NELL1: variants seen among roughly 807,000 people sequenced by gnomAD.
NELL1 encodes the protein neural EGFL like 1.
Under a neutral mutation model 107.4 loss-of-function variants are expected in NELL1, and 76 were observed. The observed-to-expected ratio is 0.71, with a 90% confidence interval of 0.59 to 0.86. The LOEUF is 0.86. Ranked by LOEUF, NELL1 falls within the 40% of genes least tolerant of loss-of-function variation. The pLI is 0.00. For synonymous variants in NELL1, 353 were observed against 341.2 expected, an observed-to-expected ratio of 1.03 and a Z score of -0.38; for missense variants, 1,024 against 1,005.5, an observed-to-expected ratio of 1.02 and a Z score of -0.25.
At chr11:21,165,190 AC>A (rs1262325682) in intron 13 of NELL1, among the ~76,000 whole-genome samples, 8 of 152,314 alleles carry the variant, frequency 5.3e-5, no homozygotes, top group African/African-American at 1.9e-4. Flanking sequence ...CTTCACTTTG[AC>A]TGCCTATGGT....
At chr11:21,317,111 A>G (rs1849895963) in intron 14 of NELL1, among the ~76,000 whole-genome samples, 1 of 152,126 alleles carries the variant, frequency 6.6e-6, no homozygotes, top group Non-Finnish European at 1.5e-5. Context: ...TAACACATAT[A>G]TAGTGTTTAT....
At chr11:20,800,860 C>T (rs1034704801) in intron 3 of NELL1, among the ~76,000 whole-genome samples, 2 of 152,170 alleles carry the variant, frequency 1.3e-5, no homozygotes, top group Non-Finnish European at 2.9e-5. Flanking sequence ...TGTTAATAAG[C>T]AGTGACTAAA....
At chr11:21,449,233 T>C (rs1853519501) in intron 15 of NELL1, among the ~76,000 whole-genome samples, 1 of 152,170 alleles carries the variant, frequency 6.6e-6, no homozygotes, top group African/African-American at 2.4e-5. Flanking sequence ...AGTCAGTCTT[T>C]GTAATTTTAG....
chr11:21,320,241 C>T (rs1849979416), intron 14 of NELL1, among the ~76,000 whole-genome samples: 1 of 152,074 alleles, frequency 6.6e-6, no homozygotes, highest in African/African-American at 2.4e-5. Flanking sequence ...GAGCCTGTGT[C>T]ACTGTGTATT....
At chr11:21,497,958 T>C (rs1855026969) in intron 15 of NELL1, among the ~76,000 whole-genome samples, 1 of 152,026 alleles carries the variant, frequency 6.6e-6, no homozygotes, top group Non-Finnish European at 1.5e-5. Context: ...ATATCAATAT[T>C]ACTACTCCTT....
chr11:21,240,093 T>C (rs1216533945), intron 14 of NELL1, among the ~76,000 whole-genome samples: 1 of 151,948 alleles, frequency 6.6e-6, no homozygotes. Context: ...AGCAAAGAAA[T>C]TCAGAGCAAT....
At chr11:21,375,257 A>C (rs560063430) in intron 15 of NELL1, among the ~76,000 whole-genome samples, 1 of 152,114 alleles carries the variant, frequency 6.6e-6, no homozygotes, top group South Asian at 2.1e-4. Flanking sequence ...CTTTATGTCC[A>C]TATTTACCTA....
chr11:21,005,161 C>T (rs981175994), intron 12 of NELL1, among the ~76,000 whole-genome samples: 1 of 152,070 alleles, frequency 6.6e-6, no homozygotes, highest in Non-Finnish European at 1.5e-5. Context: ...TTATATTTAC[C>T]AACATGAGTG....
intron 14 of NELL1, among the ~76,000 whole-genome samples, chr11:21,366,930 C>T (rs1851235091): frequency 6.6e-6 from 1 of 152,166 alleles, no homozygotes; most frequent in South Asian, 2.1e-4. Context: ...TAGTGTAGAA[C>T]TGCTTTTGTT....
At chr11:21,431,339 T>A (rs955575018) in intron 15 of NELL1, among the ~76,000 whole-genome samples, 2 of 152,166 alleles carry the variant, frequency 1.3e-5, no homozygotes, top group Non-Finnish European at 1.5e-5. Context: ...TTCTATATCA[T>A]CTATTTATTG....
chr11:21,113,014 C>T (rs561288472), intron 12 of NELL1, among the ~76,000 whole-genome samples: 1 of 151,916 alleles, frequency 6.6e-6, no homozygotes, highest in Non-Finnish European at 1.5e-5. Context: ...TGAATCAGCC[C>T]ATTATTCTAT....
At chr11:21,009,247 C>T (rs7112212) in intron 12 of NELL1, among the ~76,000 whole-genome samples, 11,787 of 152,170 alleles carry the variant, frequency 0.077, 1,525 homozygotes, top group African/African-American at 0.27. Context: ...TGTTGTTTCA[C>T]ATCAACTTCT....
At chr11:21,499,934 CTG>C (rs1855093055) in intron 15 of NELL1, among the ~76,000 whole-genome samples, 1 of 152,070 alleles carries the variant, frequency 6.6e-6, no homozygotes, top group Non-Finnish European at 1.5e-5. Flanking sequence ...GCATAGCTTG[CTG>C]ACATCTTCTA....
chr11:20,768,452 C>T (rs1590276151), intron 2 of NELL1, among the ~76,000 whole-genome samples: 1 of 152,350 alleles, frequency 6.6e-6, no homozygotes, highest in South Asian at 2.1e-4. Flanking sequence ...GGGTTTTATT[C>T]AAATCATAAT....
intron 13 of NELL1, among the ~76,000 whole-genome samples, chr11:21,157,675 G>A (rs1269590166): frequency 2.0e-5 from 3 of 152,118 alleles, no homozygotes; most frequent in Non-Finnish European, 2.9e-5. Flanking sequence ...TCTTTGAGAA[G>A]CAATATGACA....
At chr11:21,307,609 G>A (rs555052951) in intron 14 of NELL1, among the ~76,000 whole-genome samples, 1 of 151,948 alleles carries the variant, frequency 6.6e-6, no homozygotes, top group East Asian at 1.9e-4. Context: ...AGGATATTCT[G>A]GATATTCTGC....
At chr11:20,991,385 G>A (rs75611206) in intron 12 of NELL1, among the ~76,000 whole-genome samples, 2,335 of 152,276 alleles carry the variant, frequency 0.015, 52 homozygotes, top group African/African-American at 0.053. Context: ...CTTATTGAGT[G>A]CCTTCTAAAA....
chr11:20,879,192 C>G (rs879890842), intron 4 of NELL1, among the ~76,000 whole-genome samples: 3 of 151,954 alleles, frequency 2.0e-5, no homozygotes, highest in Non-Finnish European at 4.4e-5. Flanking sequence ...GAAGGCAGGC[C>G]CAGCCACTAC....
chr11:21,337,237 C>A (rs1053050743), intron 14 of NELL1, among the ~76,000 whole-genome samples: 9 of 152,142 alleles, frequency 5.9e-5, no homozygotes, highest in Admixed American at 3.9e-4. Flanking sequence ...AAACTGGGTT[C>A]TTTTTGTTTT....
Sources: allele counts gnomAD v4.1 joint callset (sites outside exome capture counted in the v4.1 genomes callset), GRCh38; gene constraint gnomAD v4.1.1; transcripts MANE v1.5; gene names NCBI Gene and HGNC (gene_info 2026-07-23, HGNC 2026-07-21).